Variants in DAB2IP observed in about 807,000 individuals in gnomAD.
The protein encoded by DAB2IP is disabled homolog 2-interacting protein.
In DAB2IP, 28 loss-of-function variants were observed where a neutral mutation model predicts 107.2. The observed-to-expected ratio is 0.26, with a 90% CI of 0.19 to 0.36. DAB2IP has a LOEUF of 0.36. Among genes scored for constraint, DAB2IP ranks in the 10% least tolerant of loss-of-function variants. The pLI is 1.00. For missense variants in DAB2IP, 1,400 were observed against 1,644.7 expected, an observed-to-expected ratio of 0.85 and a Z score of 2.57; for synonymous variants, 755 against 706.4, an observed-to-expected ratio of 1.07 and a Z score of -1.09.
Position 121,713,125 on chromosome 9 carries a change from A to G in DAB2IP, c.362+13667A>G, listed in dbSNP as rs138254260. ...ACACCAGCTAGGAAGGTGGCAGGGCAGGGATTATTCCATTTTATAGATAAG... is the reference window on the plus strand; with the variant it reads ...ACACCAGCTAGGAAGGTGGCAGGGCGGGGATTATTCCATTTTATAGATAAG... On this transcript the variant is annotated intron_variant, in intron 3 of 15. Coordinates refer to ENST00000408936, the Ensembl canonical transcript of DAB2IP. Among the ~76,000 whole-genome samples, 211 of 152,342 alleles carry G rather than the reference A, an allele frequency of 1.4e-3. 2 individuals carry two copies. Among genetic ancestry groups the G allele is most frequent in the African/African-American group, 5.0e-3 (206 of 41,584 alleles).
chr9:121,717,067 C>A (rs1830644755), intron 3 of DAB2IP, among the ~76,000 whole-genome samples: 1 of 152,200 alleles, frequency 6.6e-6, no homozygotes, highest in Non-Finnish European at 1.5e-5. Context: ...GGGCCGGGGT[C>A]TCTTGTGAGC....
At chr9:121,708,964 G>A (rs1830193776) in intron 3 of DAB2IP, among the ~76,000 whole-genome samples, 1 of 152,182 alleles carries the variant, frequency 6.6e-6, no homozygotes. Context: ...GGTGATGGGG[G>A]ATCTGCGCCT....
chr9:121,770,438 C>T (rs183337451), intron 10 of DAB2IP, 108 bp from the exon 11 acceptor site: 39 of 1,273,458 alleles, frequency 3.1e-5, no homozygotes, highest in Admixed American at 1.6e-4. Context: ...TGGGGATCTG[C>T]ACTTCTGACA....
At chr9:121,612,281 C>T (rs563572696) in intron 1 of DAB2IP, among the ~76,000 whole-genome samples, 8 of 151,974 alleles carry the variant, frequency 5.3e-5, no homozygotes, top group African/African-American at 1.7e-4. Context: ...GAGCCGTGAT[C>T]GTACCACTGC....
chr9:121,670,993 A>C (rs2119116409), intron 1 of DAB2IP, among the ~76,000 whole-genome samples: 1 of 152,292 alleles, frequency 6.6e-6, no homozygotes, highest in East Asian at 1.9e-4. Flanking sequence ...TCTACTAAAA[A>C]TACAAAAATT....
intron 3 of DAB2IP, among the ~76,000 whole-genome samples, chr9:121,746,516 C>A (rs1832730380): frequency 6.6e-6 from 1 of 152,166 alleles, no homozygotes. Flanking sequence ...AAACCTGGCC[C>A]TCAAGGATGA....
At chr9:121,762,369 C>A (rs1833958638) in intron 6 of DAB2IP, among the ~76,000 whole-genome samples, 2 of 152,126 alleles carry the variant, frequency 1.3e-5, no homozygotes, top group African/African-American at 4.8e-5. Flanking sequence ...CCTGGAGGAG[C>A]CCCGGGGGAG....
At chr9:121,667,954 CTT>C (rs887495757) in intron 1 of DAB2IP, among the ~76,000 whole-genome samples, 5 of 152,146 alleles carry the variant, frequency 3.3e-5, no homozygotes, top group African/African-American at 4.8e-5. Flanking sequence ...AAAGGCACTT[CTT>C]ACATGGTGGT....
intron 9 of DAB2IP, among the ~76,000 whole-genome samples, chr9:121,767,254 C>CTGT (rs1834351991): frequency 1.3e-5 from 2 of 152,346 alleles, no homozygotes; most frequent in Middle Eastern, 6.8e-3. Context: ...GGTCGTCTCA[C>CTGT]TGTTGTTCAT....
chr9:121,751,404 T>C (rs1833109759), intron 3 of DAB2IP: 1 of 152,926 alleles, frequency 6.5e-6, no homozygotes, highest in African/African-American at 2.4e-5. Context: ...GGTGGGAGAT[T>C]GTGGCCCTGA....
At chr9:121,624,170 A>T (rs1031199326) in intron 1 of DAB2IP, among the ~76,000 whole-genome samples, 1 of 152,148 alleles carries the variant, frequency 6.6e-6, no homozygotes, top group Non-Finnish European at 1.5e-5. Context: ...TTCTCCATGA[A>T]GCAGCTTTTC....
intron 1 of DAB2IP, among the ~76,000 whole-genome samples, chr9:121,585,620 G>T (rs546766945): frequency 6.6e-6 from 1 of 152,326 alleles, no homozygotes; most frequent in Non-Finnish European, 1.5e-5. Flanking sequence ...ACTTTGGGAG[G>T]CCAAGGCAGA....
intron 3 of DAB2IP, among the ~76,000 whole-genome samples, chr9:121,729,145 T>G (rs1831385886): frequency 1.3e-5 from 2 of 152,186 alleles, no homozygotes; most frequent in Non-Finnish European, 2.9e-5. Context: ...CCAAAGATTC[T>G]TATCTCCTGT....
At chr9:121,669,171 A>T (rs867349580) in intron 1 of DAB2IP, among the ~76,000 whole-genome samples, 1 of 152,034 alleles carries the variant, frequency 6.6e-6, no homozygotes, top group Non-Finnish European at 1.5e-5. Context: ...GCCTCAAGCA[A>T]TCCGCCCACC....
At chr9:121,664,501 A>G (rs71509575) in intron 1 of DAB2IP, among the ~76,000 whole-genome samples, 27,867 of 152,230 alleles carry the variant, frequency 0.18, 3,338 homozygotes, top group Non-Finnish European at 0.26. Context: ...CAACTAAGCA[A>G]TACTGAGTTT....
chr9:121,700,823 C>G (rs1022648683), intron 3 of DAB2IP, among the ~76,000 whole-genome samples: 4 of 152,174 alleles, frequency 2.6e-5, no homozygotes, highest in Non-Finnish European at 5.9e-5. Context: ...CCAAGCCCAG[C>G]CTGAGGCGGG....
chr9:121,583,155 G>C (rs1272475139), intron 1 of DAB2IP, among the ~76,000 whole-genome samples: 1 of 152,252 alleles, frequency 6.6e-6, no homozygotes, highest in Admixed American at 6.5e-5. Flanking sequence ...GGGAGGCCAA[G>C]GTGGGTGGAT....
In DAB2IP at chr9:121,760,565, C is replaced by T. The variant is rs1011456604; in HGVS notation, c.1170+126C>T. 5.9e-6 allele frequency: 7 copies of T among 1,188,922 alleles called. No homozygotes were observed. Among genetic ancestry groups the T allele is most frequent in the South Asian group, 1.6e-5 (1 of 61,012 alleles). The allele number at this position is 1,188,922 out of a possible 1,614,324, so 73.6% of individuals were successfully genotyped here. Reference sequence around the variant, plus strand: ...GAGGCACCGGTCACTACCAGAAGGGCTCCCTAAACCCAAAAGTTCTATCGT... The same window carrying T: ...GAGGCACCGGTCACTACCAGAAGGGTTCCCTAAACCCAAAAGTTCTATCGT... On this transcript the variant is annotated intron_variant, in intron 6 of 15. Coordinates refer to ENST00000408936, the Ensembl canonical transcript of DAB2IP. This position sits in a 1 kb window ranked among gnomAD's most constrained non-coding sequence, Gnocchi z 5.9.
In DAB2IP at chr9:121,634,269, A is replaced by T. The variant is rs907288290; in HGVS notation, c.41-44409A>T. On this transcript the variant is annotated intron_variant, in intron 1 of 16. Transcript: ENST00000259371. The surrounding 1 kb of genome is among the most constrained non-coding windows in gnomAD (Gnocchi z 4.7). Reference sequence around the variant, plus strand: ...AACATGGGAATCCTGTGCTTTTAAGACAGGAGTAGGGCCAGAAAGAGGAGA... The same window carrying T: ...AACATGGGAATCCTGTGCTTTTAAGTCAGGAGTAGGGCCAGAAAGAGGAGA... Among the ~76,000 whole-genome samples the T allele has an allele frequency of 5.9e-5, 9 of 152,290 alleles. No individual in the cohort carries two copies. The highest frequency in any genetic ancestry group is 2.2e-4 in the African/African-American group (9 of 41,546).
Sources: gnomAD v4.1 joint callset for allele counts (sites outside exome capture counted in the v4.1 genomes callset) on GRCh38, gnomAD v4.1.1 for gene constraint, Gnocchi (gnomAD v3.1) non-coding constraint, MANE v1.5 for transcripts, NCBI Gene and HGNC (gene_info 2026-07-23, HGNC 2026-07-21) for gene names.